The following RABGAP1L variants were observed in gnomAD, a reference collection of about 807,000 sequenced individuals.
RABGAP1L encodes RAB GTPase activating protein 1 like.
In RABGAP1L, 63 loss-of-function variants were observed where a neutral mutation model predicts 137.7. That is an observed-to-expected ratio of 0.46 (90% CI 0.37 to 0.56). The LOEUF (loss-of-function observed/expected upper bound fraction) is 0.56. Among genes scored for constraint, RABGAP1L ranks in the 20% least tolerant of loss-of-function variants. The pLI is 0.00. For missense variants in RABGAP1L, 1,095 were observed against 1,244.0 expected (o/e 0.88, Z 1.80); for synonymous variants, 431 against 433.7 (o/e 0.99, Z 0.08).
At chr1:174,404,597 G>A (rs1020278158) in intron 13 of RABGAP1L, among the ~76,000 whole-genome samples, 2 of 152,048 alleles carry the variant, frequency 1.3e-5, no homozygotes, top group Non-Finnish European at 2.9e-5. Context: ...ATGTAATAAG[G>A]TTTTAACCTA....
chr1:174,296,052 A>T (rs934960172), intron 10 of RABGAP1L, among the ~76,000 whole-genome samples: 1 of 152,212 alleles, frequency 6.6e-6, no homozygotes, highest in Non-Finnish European at 1.5e-5. Context: ...GATTGAGCCA[A>T]ATAAATATAG....
chr1:174,480,129 T>C (rs1558269239), intron 13 of RABGAP1L, among the ~76,000 whole-genome samples: 1 of 152,180 alleles, frequency 6.6e-6, no homozygotes, highest in Non-Finnish European at 1.5e-5. Flanking sequence ...TTAAGATTGA[T>C]TCTTCATCTA....
chr1:174,428,549 T>C (rs1435620105), intron 13 of RABGAP1L, among the ~76,000 whole-genome samples: 2 of 152,240 alleles, frequency 1.3e-5, no homozygotes, highest in African/African-American at 2.4e-5. Context: ...TATCAACTTA[T>C]TTAAATAGTG....
intron 4 of RABGAP1L, among the ~76,000 whole-genome samples, chr1:174,234,749 G>T (rs1216251089): frequency 6.7e-6 from 1 of 149,846 alleles, no homozygotes; most frequent in Non-Finnish European, 1.5e-5. Flanking sequence ...TGGCAATGCG[G>T]GCTCTTTTTT....
chr1:174,455,126 G>T (rs1169634265), intron 13 of RABGAP1L, among the ~76,000 whole-genome samples: 1 of 152,052 alleles, frequency 6.6e-6, no homozygotes, highest in African/African-American at 2.4e-5. Flanking sequence ...AACATGAAAG[G>T]CACATATCAC....
chr1:174,732,246 G>A (rs1294358605), intron 17 of RABGAP1L, among the ~76,000 whole-genome samples: 1 of 151,234 alleles, frequency 6.6e-6, no homozygotes, highest in Non-Finnish European at 1.5e-5. Context: ...TAACTCTACA[G>A]GTAGTTTAAG....
intron 13 of RABGAP1L, among the ~76,000 whole-genome samples, chr1:174,576,485 A>G (rs1253948753): frequency 3.9e-5 from 6 of 152,218 alleles, no homozygotes; most frequent in Non-Finnish European, 7.3e-5. Context: ...TGCAGGGGGA[A>G]GCAAATCACA....
intron 13 of RABGAP1L, among the ~76,000 whole-genome samples, chr1:174,511,575 G>T (rs1415485693): frequency 6.6e-6 from 1 of 150,842 alleles, no homozygotes; most frequent in Non-Finnish European, 1.5e-5. Context: ...ATCAATCTAT[G>T]CCCTGGTTAA....
At chr1:174,755,021 A>G (rs546043462) in intron 18 of RABGAP1L, among the ~76,000 whole-genome samples, 2 of 152,336 alleles carry the variant, frequency 1.3e-5, no homozygotes, top group East Asian at 3.9e-4. Context: ...CAGAGAAAAC[A>G]TCTAATTCTT....
intron 13 of RABGAP1L, among the ~76,000 whole-genome samples, chr1:174,540,646 G>T (rs1414580797): frequency 6.6e-6 from 1 of 152,062 alleles, no homozygotes; most frequent in African/African-American, 2.4e-5. Flanking sequence ...CTGTTCCATT[G>T]GTCTATATCT....
chr1:174,974,624 T>C (rs1368168130), intron 21 of RABGAP1L, among the ~76,000 whole-genome samples: 2 of 152,212 alleles, frequency 1.3e-5, no homozygotes, highest in Non-Finnish European at 2.9e-5. Context: ...AGAGCAATTT[T>C]TAGAGTCTTA....
At chr1:174,219,360 G>T (rs1669584076) in intron 2 of RABGAP1L, 65 bp downstream of exon 2, 2 of 1,161,656 alleles carry the variant, frequency 1.7e-6, no homozygotes, top group Non-Finnish European at 2.3e-6. Context: ...CTTAGGAGAT[G>T]TGTAAAATGC....
At chr1:174,981,737 C>G (rs748503636) in intron 23 of RABGAP1L, among the ~76,000 whole-genome samples, 3 of 151,722 alleles carry the variant, frequency 2.0e-5, no homozygotes, top group Non-Finnish European at 2.9e-5. Flanking sequence ...ATTTGAACAT[C>G]CAATACTTAT....
At chr1:174,573,121 A>G (rs981274697) in intron 13 of RABGAP1L, among the ~76,000 whole-genome samples, 4 of 152,056 alleles carry the variant, frequency 2.6e-5, no homozygotes, top group African/African-American at 4.8e-5. Flanking sequence ...TAGTGTGTAT[A>G]TATATGTATA....
chr1:174,303,814 AGAGTT>A (rs1005949391), intron 10 of RABGAP1L, among the ~76,000 whole-genome samples: 1 of 152,344 alleles, frequency 6.6e-6, no homozygotes, highest in East Asian at 1.9e-4. Flanking sequence ...CTACAACATC[AGAGTT>A]GAGTTGTTTA....
In RABGAP1L at chr1:174,991,640, TA is replaced by T. The variant is rs1234766078; in HGVS notation, c.*1640del. The T allele has an allele frequency of 6.6e-6, 1 of 152,250 alleles. No individual in the cohort carries two copies. The highest frequency in any genetic ancestry group is 1.5e-5 in the Non-Finnish European group (1 of 68,042). 9.4% of individuals were successfully genotyped at this position (152,250 alleles called of 1,614,324 possible). On this transcript the variant is annotated 3_prime_UTR_variant, in exon 26 of 26. Transcript: ENST00000681986. The stretch of plus-strand genomic sequence containing the variant: ...TATACTCATCAGATAATACTTTTCT[TA>T]CATAAATCTTTCATTGTTGTTCTGA...
At chr1:174,540,169 G>C (rs527327794) in intron 13 of RABGAP1L, among the ~76,000 whole-genome samples, 73 of 152,258 alleles carry the variant, frequency 4.8e-4, no homozygotes, top group African/African-American at 1.7e-3. Context: ...ATTTGTTTAA[G>C]TTCTTTGTAG....
chr1:174,607,931 G>A (rs1670906340), intron 13 of RABGAP1L, among the ~76,000 whole-genome samples: 1 of 152,196 alleles, frequency 6.6e-6, no homozygotes, highest in Admixed American at 6.5e-5. Flanking sequence ...TTACCTCCAA[G>A]CAACCCTTAC....
At chr1:174,596,171 C>CT (rs1669891667) in intron 13 of RABGAP1L, among the ~76,000 whole-genome samples, 1 of 141,276 alleles carries the variant, frequency 7.1e-6, no homozygotes, top group African/African-American at 2.9e-5. Context: ...TCCCTGACCC[C>CT]TTGCGCTTCC....
Sources: gnomAD v4.1 joint callset for allele counts (sites outside exome capture counted in the v4.1 genomes callset) on GRCh38, gnomAD v4.1.1 for gene constraint, MANE v1.5 for transcripts, NCBI Gene and HGNC (gene_info 2026-07-23, HGNC 2026-07-21) for gene names.